The following CARMIL3 variants were observed in gnomAD, a reference collection of about 807,000 sequenced individuals.
CARMIL3 encodes capping protein regulator and myosin 1 linker 3.
A neutral mutation model predicts 180.8 loss-of-function variants in CARMIL3; 88 were observed. That is an observed-to-expected ratio of 0.49 (90% CI 0.41 to 0.58). CARMIL3 has a LOEUF of 0.58. CARMIL3 is among the 20% of genes least tolerant of loss of function. The pLI, the probability that CARMIL3 is intolerant of heterozygous loss-of-function variation, is 0.00. For missense variants in CARMIL3, 1,548 were observed against 1,787.0 expected, an observed-to-expected ratio of 0.87 and a Z score of 2.41; for synonymous variants, 696 against 714.5, an observed-to-expected ratio of 0.97 and a Z score of 0.41.
At chr14:24,067,718 T>C (rs186963793) in intron 36 of CARMIL3, among the ~76,000 whole-genome samples, 3 of 152,390 alleles carry the variant, frequency 2.0e-5, no homozygotes, top group Admixed American at 2.0e-4. Flanking sequence ...ATCTTTCATT[T>C]AGGAAACCGC....
chr14:24,053,835 G>T (rs752361087), intron 2 of CARMIL3, 32 bp downstream of exon 2: 1 of 1,580,704 alleles, frequency 6.3e-7, no homozygotes, highest in East Asian at 2.3e-5. Flanking sequence ...GGAGGGAGGA[G>T]GTGGCTGGCA....
Position 24,058,310 on chromosome 14 carries a change from C to T in CARMIL3, c.1392+86C>T. ...AAGTCAAACCCTGGCTCCATCTAGCCTCTGTGCTGACCCTCTGCGACCCCC... is the reference window on the plus strand; with the variant it reads ...AAGTCAAACCCTGGCTCCATCTAGCTTCTGTGCTGACCCTCTGCGACCCCC... On this transcript the variant is annotated intron_variant, in intron 17 of 39. Coordinates refer to ENST00000342740, the MANE Select transcript of CARMIL3 (RefSeq NM_138360.4). The surrounding 1 kb of genome is among the most constrained non-coding windows in gnomAD (Gnocchi z 6.4). 6.9e-7 allele frequency: 1 copy of T among 1,448,774 alleles called. No individual in the cohort carries two copies. Among genetic ancestry groups the T allele is most frequent in the Non-Finnish European group, 9.4e-7 (1 of 1,061,778 alleles). The allele number at this position is 1,448,774 out of a possible 1,614,324, so 89.7% of individuals were successfully genotyped here.
Position 24,052,053 on chromosome 14 carries a change from GCTCAGCGCC to G in CARMIL3, c.-99_-91del, listed in dbSNP as rs2035620725. 1.9e-5 allele frequency: 24 copies of G among 1,247,824 alleles called. No individual in the cohort carries two copies. The highest frequency in any genetic ancestry group is 2.4e-5 in the Non-Finnish European group (23 of 947,090). 77.3% of individuals were successfully genotyped at this position (1,247,824 alleles called of 1,614,324 possible). ...GAGCGGGCTCGGCCGCTGCTGCAGC[GCTCAGCGCC>G]CGGGCCCTGCTGAAGCCGGGTCTAG... On this transcript the variant is annotated 5_prime_UTR_variant, in exon 1 of 40. Transcript: ENST00000342740.
chr14:24,069,129 T>A lies in CARMIL3; in HGVS notation c.3983-8T>A, dbSNP rs752149379. The A allele has an allele frequency of 3.1e-6, 5 of 1,613,892 alleles. No homozygotes were observed. On this transcript the variant is annotated splice_polypyrimidine_tract_variant and splice_region_variant and intron_variant, in intron 38 of 39. Coordinates refer to ENST00000342740, the MANE Select transcript of CARMIL3 (RefSeq NM_138360.4). ...CCTGTGTTAGGCCTGCCTTGATTGT[T>A]ATTTCAGGGCCCCCTGATCCAGGCC...
intron 2 of CARMIL3, 97 bp from the exon 3 acceptor site, chr14:24,053,991 G>A: frequency 7.1e-7 from 1 of 1,410,166 alleles, no homozygotes; most frequent in Non-Finnish European, 9.8e-7. Context: ...TCGGGTTGGG[G>A]AGACACTCCA....
chr14:24,064,491 TC>T, intron 32 of CARMIL3, 145 bp downstream of exon 32: 1 of 665,380 alleles, frequency 1.5e-6, no homozygotes, highest in South Asian at 1.7e-5. Flanking sequence ...TTCTCATCCT[TC>T]CCCACCCAGC....
Position 24,061,490 on chromosome 14 carries a change from A to T in CARMIL3, c.2305-7A>T. On this transcript the variant is annotated splice_region_variant and splice_polypyrimidine_tract_variant and intron_variant, in intron 26 of 39. Coordinates refer to ENST00000342740, the MANE Select transcript of CARMIL3 (RefSeq NM_138360.4). This position sits in a 1 kb window ranked among gnomAD's most constrained non-coding sequence, Gnocchi z 4.1. ...TGGGCCTCTGGCCTCCCTTTCCCCC[A>T]TACTAGGTGATCCTGGAGTCCATGG... 3 of 1,610,690 alleles carry T rather than the reference A, an allele frequency of 1.9e-6. No homozygotes were observed. The highest frequency in any genetic ancestry group is 2.5e-6 in the Non-Finnish European group (3 of 1,178,238).
chr14:24,056,614 C>T lies in CARMIL3; in HGVS notation c.866-8C>T, dbSNP rs1342144637. 3 of 1,613,932 alleles carry T rather than the reference C, an allele frequency of 1.9e-6. No individual in the cohort carries two copies. Among genetic ancestry groups the T allele is most frequent in the Non-Finnish European group, 2.5e-6 (3 of 1,179,960 alleles). ...CTCACTGGGCCCGTTTCTCTCTCCA[C>T]TCCCCAGGTTTTCTCAGTCTGAGCC... On this transcript the variant is annotated splice_polypyrimidine_tract_variant and splice_region_variant and intron_variant, in intron 11 of 39. Coordinates refer to ENST00000342740, the MANE Select transcript of CARMIL3 (RefSeq NM_138360.4).
Position 24,057,876 on chromosome 14 carries a change from A to G in CARMIL3, c.1214A>G (p.His405Arg), listed in dbSNP as rs746931486. The G allele has an allele frequency of 1.9e-6, 3 of 1,612,088 alleles. No homozygotes were observed. Among genetic ancestry groups the G allele is most frequent in the Non-Finnish European group, 1.7e-6 (2 of 1,179,730 alleles). ...YLNLARNSCSHRKGREAPPAF... is the reference protein window; with the variant it reads ...YLNLARNSCSRRKGREAPPAF... ...AACCTGGCTCGCAACAGCTGCTCCC[A>G]CAGGTGGGAGAGGAGGGGGAAGGGA... is the stretch of plus-strand genomic sequence containing the variant. The change falls in exon 15 of 40, where the codon CAC becomes CGC. Residue 405 changes from histidine (H) to arginine (R), a missense_variant. Transcript: ENST00000342740.
chr14:24,063,559 G>A, intron 31 of CARMIL3, 26 bp downstream of exon 31: 1 of 1,582,362 alleles, frequency 6.3e-7, no homozygotes, highest in Non-Finnish European at 8.6e-7. Context: ...TTCACAAGAG[G>A]ATCCCCTTCA....
At chr14:24,062,955 C>T in intron 29 of CARMIL3, 109 bp downstream of exon 29, 3 of 1,539,688 alleles carry the variant, frequency 1.9e-6, no homozygotes, top group Non-Finnish European at 2.6e-6. Context: ...CCTCACTGTG[C>T]CTGGCCTTCT....
rs770773264 is a variant in CARMIL3, at chr14:24,061,752, G to A, written c.2480+80G>A. ...GGGACTTAGGACTGGAGAGCTATCA[G>A]CAATGAATAATGAATGGCACAATCT... On this transcript the variant is annotated intron_variant, in intron 27 of 39. Coordinates refer to ENST00000342740, the MANE Select transcript of CARMIL3 (RefSeq NM_138360.4). This position sits in a 1 kb window ranked among gnomAD's most constrained non-coding sequence, Gnocchi z 4.1. The A allele has an allele frequency of 7.0e-7, 1 of 1,420,314 alleles. No individual in the cohort carries two copies. The highest frequency in any genetic ancestry group is 9.6e-7 in the Non-Finnish European group (1 of 1,037,792). 88.0% of individuals were successfully genotyped at this position (1,420,314 alleles called of 1,614,324 possible). A position where few individuals can be genotyped will look rare whatever the true frequency, so the allele number is the denominator to read the frequency against.
In CARMIL3 at chr14:24,057,104, C is replaced by A. The variant is rs1293440947; in HGVS notation, c.1063-63C>A. 6 of 1,591,522 alleles carry A rather than the reference C, an allele frequency of 3.8e-6. No homozygotes were observed. In the East Asian group the frequency reaches 1.4e-4, roughly 36 times the overall value. ...AGCTGGGAGGCCTTCTGCCCCATGGCCTCTGGGGGTGGCGAGACTCCATCA... is the reference window on the plus strand; with the variant it reads ...AGCTGGGAGGCCTTCTGCCCCATGGACTCTGGGGGTGGCGAGACTCCATCA... On this transcript the variant is annotated intron_variant, in intron 13 of 39. Coordinates refer to ENST00000342740, the MANE Select transcript of CARMIL3 (RefSeq NM_138360.4).
At chr14:24,068,470 T>C (rs1172828881) in intron 36 of CARMIL3, 114 bp from the exon 37 acceptor site, 7 of 789,684 alleles carry the variant, frequency 8.9e-6, no homozygotes, top group Non-Finnish European at 1.4e-5. Context: ...TAGGAGCAAG[T>C]GGGCTTGGAG....
intron 14 of CARMIL3, 37 bp from the exon 15 acceptor site, chr14:24,057,766 C>A: frequency 6.3e-7 from 1 of 1,582,190 alleles, no homozygotes; most frequent in Non-Finnish European, 8.6e-7. Context: ...CTACCCCCTT[C>A]CAGCTCCCCT....
At chr14:24,062,891 C>G in intron 29 of CARMIL3, 45 bp downstream of exon 29, 1 of 1,572,756 alleles carries the variant, frequency 6.4e-7, no homozygotes, top group East Asian at 2.2e-5. Flanking sequence ...CTGGGCCCTG[C>G]CCTTAAACCT....
At chr14:24,065,573 G>T in intron 33 of CARMIL3, 49 bp from the exon 34 acceptor site, 1 of 1,559,488 alleles carries the variant, frequency 6.4e-7, no homozygotes. Flanking sequence ...ACAGCCTGGG[G>T]AGCCCCCTTC....
Position 24,068,576 on chromosome 14 carries a change from A to G in CARMIL3, c.3683-8A>G, listed in dbSNP as rs1296270706. 5.0e-6 allele frequency: 8 copies of G among 1,600,024 alleles called. No homozygotes were observed. The highest frequency in any genetic ancestry group is 1.1e-5 in the South Asian group (1 of 90,094). On this transcript the variant is annotated splice_region_variant and splice_polypyrimidine_tract_variant and intron_variant, in intron 36 of 39. Coordinates refer to ENST00000342740, the MANE Select transcript of CARMIL3 (RefSeq NM_138360.4). ...TTTCCTGCAGCTTCTCCTCTCTCTC[A>G]TCCCCAGCTGAAGAGAGTGCCCCCA...
chr14:24,061,810 A>G lies in CARMIL3; in HGVS notation c.2480+138A>G. The G allele has an allele frequency of 9.7e-7, 1 of 1,030,004 alleles. No homozygotes were observed. Among genetic ancestry groups the G allele is most frequent in the Non-Finnish European group, 1.4e-6 (1 of 727,842 alleles). 63.8% of individuals were successfully genotyped at this position (1,030,004 alleles called of 1,614,324 possible). ...AAGGATCAATCTTTAACCAAGTGCAACCTTGCTATTTAGGGTCTGGCTGGT... is the reference window on the plus strand; with the variant it reads ...AAGGATCAATCTTTAACCAAGTGCAGCCTTGCTATTTAGGGTCTGGCTGGT... On this transcript the variant is annotated intron_variant, in intron 27 of 39. Coordinates refer to ENST00000342740, the MANE Select transcript of CARMIL3 (RefSeq NM_138360.4). The surrounding 1 kb of genome is among the most constrained non-coding windows in gnomAD (Gnocchi z 4.1).
Sources: gnomAD v4.1 joint callset for allele counts (sites outside exome capture counted in the v4.1 genomes callset) on GRCh38, gnomAD v4.1.1 for gene constraint, Gnocchi (gnomAD v3.1) non-coding constraint, MANE v1.5 for transcripts, NCBI Gene and HGNC (gene_info 2026-07-23, HGNC 2026-07-21) for gene names.